SLC28A1: variants seen among roughly 807,000 people sequenced by gnomAD.
The protein encoded by SLC28A1 is solute carrier family 28 member 1.
A neutral mutation model predicts 74.8 loss-of-function variants in SLC28A1; 64 were observed. The ratio of observed to expected loss-of-function variants is 0.86; its 90% CI spans 0.70 to 1.05. SLC28A1 has a LOEUF of 1.05. SLC28A1 is among the 50% of genes least tolerant of loss of function. The pLI, the probability that SLC28A1 is intolerant of heterozygous loss-of-function variation, is 0.00. For missense variants in SLC28A1, 828 were observed against 822.8 expected, an observed-to-expected ratio of 1.01 and a Z score of -0.08; for synonymous variants, 359 against 335.0, an observed-to-expected ratio of 1.07 and a Z score of -0.78.
chr15:84,943,055 G>A (rs955641505), intron 15 of SLC28A1, among the ~76,000 whole-genome samples: 4 of 151,956 alleles, frequency 2.6e-5, no homozygotes, highest in Admixed American at 1.3e-4. Context: ...GCGTGGTGGC[G>A]GGCACCTATA....
At chr15:84,926,037 TATA>T (rs1223809363) in intron 12 of SLC28A1, among the ~76,000 whole-genome samples, 2 of 148,084 alleles carry the variant, frequency 1.4e-5, no homozygotes, top group Non-Finnish European at 3.0e-5. Flanking sequence ...TTATTCTATA[TATA>T]ATATTTTGTT....
Position 84,909,796 on chromosome 15 carries a change from C to G in SLC28A1, c.795+1001C>G, listed in dbSNP as rs982598443. On this transcript the variant is annotated intron_variant, in intron 9 of 18. Coordinates refer to ENST00000394573, the MANE Select transcript of SLC28A1 (RefSeq NM_004213.5). The stretch of plus-strand genomic sequence containing the variant: ...GCACTGAGAGGGAAATCAGGGCTGC[C>G]CACTCTGGTACATCCGGGACCGCCA... 5.9e-5 allele frequency among the ~76,000 whole-genome samples: 9 copies of G among 152,312 alleles called. No individual in the cohort carries two copies. In the East Asian group the frequency reaches 1.7e-3, roughly 29 times the overall value.
intron 12 of SLC28A1, among the ~76,000 whole-genome samples, chr15:84,930,241 T>G (rs1567174769): frequency 6.6e-6 from 1 of 152,166 alleles, no homozygotes; most frequent in Non-Finnish European, 1.5e-5. Flanking sequence ...AATCCCAAGA[T>G]TCCAGGTGTG....
chr15:84,949,400 T>A (rs2079339784), downstream of SLC28A1, among the ~76,000 whole-genome samples: 1 of 152,076 alleles, frequency 6.6e-6, no homozygotes, highest in Admixed American at 6.5e-5. Context: ...TTGTTTGTTT[T>A]GTTTGAGATG....
chr15:84,930,355 C>T (rs1168917488), intron 12 of SLC28A1, among the ~76,000 whole-genome samples: 1 of 152,232 alleles, frequency 6.6e-6, no homozygotes, highest in African/African-American at 2.4e-5. Flanking sequence ...TGGGTTTCAT[C>T]CAGCAAGGGG....
chr15:84,958,300 G>T, the SLC28A1 span, among the ~76,000 whole-genome samples: 2 of 152,114 alleles, frequency 1.3e-5, no homozygotes, highest in South Asian at 2.1e-4. Flanking sequence ...CAGGCCTGCT[G>T]CTGCTCAGCT....
At chr15:84,896,496 C>G (rs563616462) in intron 6 of SLC28A1, among the ~76,000 whole-genome samples, 2 of 152,110 alleles carry the variant, frequency 1.3e-5, no homozygotes, top group African/African-American at 4.8e-5. Context: ...GGTGGAAATG[C>G]GAAACAGTGC....
chr15:84,923,993 T>C lies in SLC28A1; in HGVS notation c.966T>C (p.Ala322=). Residue 322 remains alanine, a synonymous_variant, in exon 12 of 19, where the codon GCT becomes GCC. Coordinates refer to ENST00000394573, the MANE Select transcript of SLC28A1 (RefSeq NM_004213.5). The part of the protein sequence containing the change: ...AGNIFVSQTE[A]PLLIRPYLAD... Reference sequence around the variant, plus strand: ...ATCTTTCCTGTTTGCAGACCGAGGCTCCATTACTGATCCGGCCCTACTTGG... The same window carrying C: ...ATCTTTCCTGTTTGCAGACCGAGGCCCCATTACTGATCCGGCCCTACTTGG... 6.2e-7 allele frequency: 1 copy of C among 1,614,006 alleles called. No individual in the cohort carries two copies. The highest frequency in any genetic ancestry group is 1.3e-5 in the African/African-American group (1 of 74,994).
rs1213794976 is a variant in SLC28A1, at chr15:84,887,653, C to G, written c.-16-92C>G. 10 of 1,560,016 alleles carry G rather than the reference C, an allele frequency of 6.4e-6. No individual in the cohort carries two copies. The Admixed American group carries it at 1.5e-4, about 23-fold the overall frequency. ...TGGCTGTGCCAGGCATCTGCTCCCC[C>G]CACTCAGTCCTCTCCCCTTTCCCCG... is the stretch of plus-strand genomic sequence containing the variant. On this transcript the variant is annotated intron_variant, in intron 2 of 18. Transcript: ENST00000394573.
At chr15:84,900,803 G>A (rs552789385) in intron 6 of SLC28A1, among the ~76,000 whole-genome samples, 2 of 151,378 alleles carry the variant, frequency 1.3e-5, no homozygotes, top group South Asian at 4.2e-4. Context: ...CAACAAAGCA[G>A]ACCCTGCCTC....
chr15:84,938,301 G>A (rs1972192300), intron 15 of SLC28A1: 1 of 132,730 alleles, frequency 7.5e-6, no homozygotes, highest in Non-Finnish European at 1.6e-5. Context: ...GATTAATAGA[G>A]GGCACGCCCC....
chr15:84,974,917 A>G, the SLC28A1 span, among the ~76,000 whole-genome samples: 3 of 152,136 alleles, frequency 2.0e-5, no homozygotes, highest in Admixed American at 2.0e-4. Flanking sequence ...CCATACCAGG[A>G]GTCAGTGCCT....
At chr15:84,900,298 C>G (rs1249826006) in intron 6 of SLC28A1, among the ~76,000 whole-genome samples, 2 of 150,672 alleles carry the variant, frequency 1.3e-5, no homozygotes, top group African/African-American at 4.9e-5. Context: ...CCACTGCACT[C>G]CAGCCTGGGA....
At position 84,899,849 on chromosome 15, in the gene SLC28A1, C is replaced by T. The variant is rs188794488; in HGVS notation, c.462-4248C>T. On this transcript the variant is annotated intron_variant, in intron 6 of 18. Transcript: ENST00000394573. ...CATAGGCTGCAGTGAGCCATGATCG[C>T]GCCACTGACTGCTGCCTGGGCGATA... 5.3e-5 allele frequency among the ~76,000 whole-genome samples: 8 copies of T among 150,452 alleles called. No homozygotes were observed. In the East Asian group the frequency reaches 9.8e-4, roughly 18 times the overall value.
In SLC28A1 at chr15:84,888,814, A is replaced by T. The variant is rs1403791429; in HGVS notation, c.139A>T (p.Ile47Phe). The change falls in exon 4 of 19, where the codon ATC becomes TTC. Residue 47 changes from isoleucine (I) to phenylalanine (F), a missense_variant. By Grantham distance (21) the Ile-to-Phe change is conservative. Transcript: ENST00000394573. ...TAGGAGTGACTTGAGCCCCGCAGAG[A>T]TCAGGAGCAGCTGGAGCGAGGCGGC... ...LPRSDLSPAE[I>F]RSSWSEAAPK... The T allele has an allele frequency of 6.4e-7, 1 of 1,555,108 alleles. No homozygotes were observed. The highest frequency in any genetic ancestry group is 8.7e-7 in the Non-Finnish European group (1 of 1,149,022).
chr15:84,953,539 G>A, the SLC28A1 span, among the ~76,000 whole-genome samples: 1 of 152,114 alleles, frequency 6.6e-6, no homozygotes, highest in Non-Finnish European at 1.5e-5. Context: ...AGACCGGCCT[G>A]GGCAAGATAG....
chr15:84,957,768 A>G, the SLC28A1 span, among the ~76,000 whole-genome samples: 12 of 152,258 alleles, frequency 7.9e-5, no homozygotes, highest in African/African-American at 2.9e-4. Context: ...CATCTTTGTT[A>G]TTCTTTTTAA....
chr15:84,914,663 G>A (rs555208159), intron 9 of SLC28A1, among the ~76,000 whole-genome samples: 1 of 152,278 alleles, frequency 6.6e-6, no homozygotes, highest in South Asian at 2.1e-4. Context: ...ACAAGCCCTC[G>A]TGGTTGGCAC....
At chr15:84,937,405 G>A (rs1036217416) in intron 15 of SLC28A1, among the ~76,000 whole-genome samples, 2 of 152,120 alleles carry the variant, frequency 1.3e-5, no homozygotes, top group Admixed American at 1.3e-4. Context: ...CTGTGCCTGC[G>A]AGCATTTATT....
Sources: gnomAD v4.1 joint callset for allele counts (sites outside exome capture counted in the v4.1 genomes callset) on GRCh38, gnomAD v4.1.1 for gene constraint, MANE v1.5 for transcripts, NCBI Gene and HGNC (gene_info 2026-07-23, HGNC 2026-07-21) for gene names.